SLC30A9: variants seen among roughly 807,000 people sequenced by gnomAD.
SLC30A9 encodes the protein proton-coupled zinc antiporter SLC30A9, mitochondrial.
In SLC30A9, 58 loss-of-function variants were observed where a neutral mutation model predicts 87.5. That is an observed-to-expected ratio of 0.66 (90% CI 0.54 to 0.82). The LOEUF is 0.82. Among genes scored for constraint, SLC30A9 ranks in the 40% least tolerant of loss-of-function variants. The pLI, the probability that SLC30A9 is intolerant of heterozygous loss-of-function variation, is 0.00. For missense variants in SLC30A9, 557 were observed against 679.1 expected, an observed-to-expected ratio of 0.82 and a Z score of 2.00; for synonymous variants, 234 against 233.0, an observed-to-expected ratio of 1.00 and a Z score of -0.04.
chr4:42,021,745 G>GT (rs774067446), intron 4 of SLC30A9, among the ~76,000 whole-genome samples: 77 of 150,608 alleles, frequency 5.1e-4, no homozygotes, highest in Non-Finnish European at 5.5e-4. Context: ...TCTTCTTTTC[G>GT]TTTTTTTTGT....
chr4:42,080,615 T>C (rs974218151), intron 17 of SLC30A9, among the ~76,000 whole-genome samples: 1 of 152,156 alleles, frequency 6.6e-6, no homozygotes, highest in African/African-American at 2.4e-5. Flanking sequence ...CTTCTAGAGG[T>C]AGAGCAGATA....
chr4:42,030,700 TG>T (rs1471225131), intron 6 of SLC30A9, among the ~76,000 whole-genome samples: 1 of 152,044 alleles, frequency 6.6e-6, no homozygotes, highest in African/African-American at 2.4e-5. Flanking sequence ...TTTTTTCTCC[TG>T]GGAATGGGAC....
At chr4:42,081,137 A>G (rs889225394) in intron 17 of SLC30A9, among the ~76,000 whole-genome samples, 1 of 152,214 alleles carries the variant, frequency 6.6e-6, no homozygotes, top group Non-Finnish European at 1.5e-5. Flanking sequence ...ATAAAAATGT[A>G]CTCTAGATTA....
At chr4:42,039,184 G>A in intron 8 of SLC30A9, 131 bp downstream of exon 8, 1 of 672,526 alleles carries the variant, frequency 1.5e-6, no homozygotes, top group Non-Finnish European at 2.6e-6. Context: ...GGAGGAAATT[G>A]AATAAGTCTT....
intron 2 of SLC30A9, among the ~76,000 whole-genome samples, chr4:42,014,884 A>C (rs1237173593): frequency 6.6e-6 from 1 of 152,134 alleles, no homozygotes; most frequent in Non-Finnish European, 1.5e-5. Context: ...GAGAGAGTAG[A>C]ATGATGGTTA....
chr4:42,034,566 C>T (rs143262918), intron 6 of SLC30A9, among the ~76,000 whole-genome samples: 62 of 152,268 alleles, frequency 4.1e-4, no homozygotes, highest in African/African-American at 1.4e-3. Flanking sequence ...AGCATAGTGT[C>T]GTCAAGGTTT....
At chr4:42,029,381 T>A in intron 6 of SLC30A9, 1 of 606,974 alleles carries the variant, frequency 1.6e-6, no homozygotes, top group Non-Finnish European at 3.2e-6. Context: ...CAAGTGGTGC[T>A]GCTCACCATC....
At chr4:42,021,933 T>G (rs1444148793) in intron 4 of SLC30A9, among the ~76,000 whole-genome samples, 11 of 24,550 alleles carry the variant, frequency 4.5e-4, no homozygotes, top group Non-Finnish European at 2.4e-3. Flanking sequence ...TTTTTTTTTT[T>G]TTTTTTTTTT....
In SLC30A9 at chr4:42,089,216, G is replaced by C. The variant is rs1181690024; in HGVS notation, c.*3090G>C. 1 of 152,036 alleles carries C rather than the reference G, an allele frequency of 6.6e-6. No individual in the cohort carries two copies. The highest frequency in any genetic ancestry group is 1.5e-5 in the Non-Finnish European group (1 of 68,024). 9.4% of individuals were successfully genotyped at this position (152,036 alleles called of 1,614,324 possible). On this transcript the variant is annotated 3_prime_UTR_variant, in exon 18 of 18. Coordinates refer to ENST00000264451, the MANE Select transcript of SLC30A9 (RefSeq NM_006345.4). Reference sequence around the variant, plus strand: ...ATTTATCAAAGGTGAGGTATACAGTGGTCCCTGACTTATAATGGTTGCACT... The same window carrying C: ...ATTTATCAAAGGTGAGGTATACAGTCGTCCCTGACTTATAATGGTTGCACT...
intron 9 of SLC30A9, among the ~76,000 whole-genome samples, chr4:42,050,990 T>C (rs961919242): frequency 1.3e-5 from 2 of 152,154 alleles, no homozygotes; most frequent in African/African-American, 4.8e-5. Flanking sequence ...AGGGATTTCC[T>C]TGAATTGAAT....
intron 9 of SLC30A9, among the ~76,000 whole-genome samples, chr4:42,052,352 T>A (rs1013046061): frequency 2.6e-5 from 4 of 152,232 alleles, no homozygotes; most frequent in Non-Finnish European, 5.9e-5. Context: ...TTTACAGATA[T>A]AATGGAGTTC....
intron 2 of SLC30A9, among the ~76,000 whole-genome samples, chr4:42,005,870 A>G (rs1715179822): frequency 1.3e-5 from 2 of 152,242 alleles, no homozygotes; most frequent in African/African-American, 4.8e-5. Context: ...GCAAATGAGA[A>G]TGACTCAGAG....
chr4:42,046,680 A>C (rs1169807535), intron 8 of SLC30A9, among the ~76,000 whole-genome samples: 1 of 152,150 alleles, frequency 6.6e-6, no homozygotes, highest in Non-Finnish European at 1.5e-5. Flanking sequence ...GGAATCAATG[A>C]TATCCCCATC....
chr4:42,065,685 T>A (rs1433220000), intron 12 of SLC30A9, among the ~76,000 whole-genome samples: 2 of 152,204 alleles, frequency 1.3e-5, no homozygotes, highest in African/African-American at 2.4e-5. Flanking sequence ...TGAAAGCGCT[T>A]AGCAAGCCCA....
rs754541096 is a variant in SLC30A9, at chr4:41,990,665, T to TGGC, written c.15_17dup (p.Ala10dup). 1.9e-6 allele frequency: 3 copies of TGGC among 1,606,838 alleles called. No individual in the cohort carries two copies. In the Admixed American group the frequency reaches 5.0e-5, roughly 27 times the overall value. On this transcript the variant is annotated inframe_insertion, in exon 1 of 18. Coordinates refer to ENST00000264451, the MANE Select transcript of SLC30A9 (RefSeq NM_006345.4). The stretch of plus-strand genomic sequence containing the variant: ...TGCCCCACCAGGATGTTACCCGGCT[T>TGGC]GGCCGCCGCCGCGGCCCACAGATGT...
intron 2 of SLC30A9, among the ~76,000 whole-genome samples, chr4:42,016,430 T>TC (rs1186674119): frequency 6.6e-6 from 1 of 152,164 alleles, no homozygotes; most frequent in Non-Finnish European, 1.5e-5. Flanking sequence ...TCTCCATTTG[T>TC]CCTATGTATC....
Position 42,022,096 on chromosome 4 carries a change from C to T in SLC30A9, c.435-742C>T, listed in dbSNP as rs62302130. On this transcript the variant is annotated intron_variant, in intron 4 of 17. Transcript: ENST00000264451. The stretch of plus-strand genomic sequence containing the variant: ...GACTACAGGCGCCCGCCACCACGCC[C>T]GGCTAATTTTTGTATTTTTAGTAGA... 3.0e-4 allele frequency among the ~76,000 whole-genome samples: 8 copies of T among 27,068 alleles called. 1 individual carries two copies. The highest frequency in any genetic ancestry group is 1.5e-3 in the Non-Finnish European group (5 of 3,404). The allele number at this position is 27,068 out of a possible 152,430, so 17.8% of individuals were successfully genotyped here.
rs979287583 is a variant in SLC30A9, at chr4:42,025,703, T to A, written c.610+2319T>A. 2.0e-5 allele frequency among the ~76,000 whole-genome samples: 3 copies of A among 152,316 alleles called. No individual in the cohort carries two copies. The East Asian group carries it at 5.8e-4, about 29-fold the overall frequency. The stretch of plus-strand genomic sequence containing the variant: ...TTTTTCGAGACAGAGTCTTGCTGTG[T>A]CACCCAGGCTGGAGTGCAGTGGCGC... On this transcript the variant is annotated intron_variant, in intron 6 of 17. Coordinates refer to ENST00000264451, the MANE Select transcript of SLC30A9 (RefSeq NM_006345.4).
At chr4:42,032,085 A>G (rs1716467266) in intron 6 of SLC30A9, among the ~76,000 whole-genome samples, 1 of 152,298 alleles carries the variant, frequency 6.6e-6, no homozygotes, top group South Asian at 2.1e-4. Flanking sequence ...CAAGAGAGAG[A>G]TGGGGGAGGT....
Sources: gnomAD v4.1 joint callset for allele counts (sites outside exome capture counted in the v4.1 genomes callset) on GRCh38, gnomAD v4.1.1 for gene constraint, MANE v1.5 for transcripts, NCBI Gene and HGNC (gene_info 2026-07-23, HGNC 2026-07-21) for gene names.